GRIK1: variants seen among roughly 807,000 people sequenced by gnomAD.
GRIK1 encodes the protein glutamate ionotropic receptor kainate type subunit 1.
In GRIK1, 69 loss-of-function variants were observed where a neutral mutation model predicts 105.7. That is an observed-to-expected ratio of 0.65 (90% CI 0.54 to 0.80). The LOEUF is 0.80. Among genes scored for constraint, GRIK1 ranks in the 30% least tolerant of loss-of-function variants. The pLI, the probability that GRIK1 is intolerant of heterozygous loss-of-function variation, is 0.00. For missense variants in GRIK1, 1,109 were observed against 1,167.3 expected (o/e 0.95, Z 0.73); for synonymous variants, 438 against 431.3 (o/e 1.02, Z -0.19).
chr21:29,650,755 C>T (rs1033765608), intron 6 of GRIK1, among the ~76,000 whole-genome samples: 2 of 152,166 alleles, frequency 1.3e-5, no homozygotes, highest in Non-Finnish European at 2.9e-5. Context: ...GAACACAAAT[C>T]GGTTCTGCAA....
intron 1 of GRIK1, among the ~76,000 whole-genome samples, chr21:29,722,326 A>G (rs2064342544): frequency 1.3e-5 from 2 of 152,074 alleles, no homozygotes; most frequent in Admixed American, 6.6e-5. Flanking sequence ...GGAGGCTGAG[A>G]TGGGCAGATC....
intron 1 of GRIK1, chr21:29,748,386 G>A (rs1481017988): frequency 1.3e-5 from 2 of 152,202 alleles, no homozygotes; most frequent in African/African-American, 4.8e-5. Context: ...ACCTTTGTCT[G>A]TCTGAACAAT....
chr21:29,612,773 G>A (rs1375996862), intron 7 of GRIK1, among the ~76,000 whole-genome samples: 1 of 152,112 alleles, frequency 6.6e-6, no homozygotes, highest in Non-Finnish European at 1.5e-5. Flanking sequence ...GAATCACATT[G>A]CATTTACAAT....
At chr21:29,653,518 A>C (rs2062783823) in intron 5 of GRIK1, among the ~76,000 whole-genome samples, 1 of 152,068 alleles carries the variant, frequency 6.6e-6, no homozygotes, top group South Asian at 2.1e-4. Flanking sequence ...TTCCTTCTCA[A>C]ATTTCTCCCA....
chr21:29,612,363 T>C (rs1329429042), intron 7 of GRIK1, among the ~76,000 whole-genome samples: 1 of 152,222 alleles, frequency 6.6e-6, no homozygotes, highest in African/African-American at 2.4e-5. Context: ...CTGTTTTGGA[T>C]TACTTGTGTG....
intron 1 of GRIK1, among the ~76,000 whole-genome samples, chr21:29,794,100 A>C (rs73897836): frequency 6.6e-6 from 1 of 152,120 alleles, no homozygotes; most frequent in East Asian, 1.9e-4. Context: ...TACTTCAAAA[A>C]GTGACCCCGA....
intron 1 of GRIK1, among the ~76,000 whole-genome samples, chr21:29,867,729 G>T (rs568441315): frequency 1.3e-5 from 2 of 152,078 alleles, no homozygotes; most frequent in African/African-American, 4.8e-5. Context: ...GAGAAGCAGA[G>T]GTTGCAGTGA....
intron 1 of GRIK1, among the ~76,000 whole-genome samples, chr21:29,806,717 G>A (rs760311734): frequency 6.6e-6 from 1 of 152,032 alleles, no homozygotes; most frequent in Non-Finnish European, 1.5e-5. Context: ...CTTGCGCTGG[G>A]CACTGAAGAT....
At chr21:29,542,825 A>G (rs1374275382) in intron 16 of GRIK1, among the ~76,000 whole-genome samples, 3 of 152,208 alleles carry the variant, frequency 2.0e-5, no homozygotes, top group Non-Finnish European at 4.4e-5. Context: ...TACATTTTGT[A>G]TAGGTTTCTC....
intron 1 of GRIK1, among the ~76,000 whole-genome samples, chr21:29,807,010 C>A (rs2066879993): frequency 6.6e-6 from 1 of 152,158 alleles, no homozygotes; most frequent in African/African-American, 2.4e-5. Flanking sequence ...TCTTCAATCC[C>A]TTTTCCATAC....
chr21:29,828,343 G>T (rs2067532667), intron 1 of GRIK1, among the ~76,000 whole-genome samples: 2 of 152,056 alleles, frequency 1.3e-5, no homozygotes, highest in East Asian at 1.9e-4. Context: ...ATTGATTTGG[G>T]TGTAGATAAG....
intron 3 of GRIK1, 37 bp downstream of exon 3, chr21:29,689,691 A>G: frequency 6.3e-7 from 1 of 1,597,836 alleles, no homozygotes; most frequent in Non-Finnish European, 8.6e-7. Context: ...TGTTCAGAGC[A>G]GACATGGTCG....
At chr21:29,924,324 G>A (rs2071284603) in intron 1 of GRIK1, among the ~76,000 whole-genome samples, 1 of 146,888 alleles carries the variant, frequency 6.8e-6, no homozygotes, top group African/African-American at 2.6e-5. Context: ...GCAACACAGT[G>A]AGACTGGCTC....
intron 1 of GRIK1, among the ~76,000 whole-genome samples, chr21:29,796,697 C>T (rs1043177238): frequency 1.3e-5 from 2 of 151,988 alleles, no homozygotes; most frequent in Non-Finnish European, 2.9e-5. Flanking sequence ...ACCTGTAATC[C>T]CAGCACTTTG....
In GRIK1 at chr21:29,888,195, TTCTCTCTCTC is replaced by T. The variant is rs780446480; in HGVS notation, c.118+51178_118+51187del. 2.7e-3 allele frequency among the ~76,000 whole-genome samples: 60 copies of T among 22,154 alleles called. 2 individuals carry two copies. The highest frequency in any genetic ancestry group is 3.3e-3 in the Admixed American group (4 of 1,198). The allele number at this position is 22,154 out of a possible 152,430, so 14.5% of individuals were successfully genotyped here. On this transcript the variant is annotated intron_variant, in intron 1 of 17. Coordinates refer to ENST00000327783, the MANE Select transcript of GRIK1 (RefSeq NM_001330994.2). Reference sequence around the variant, plus strand: ...TTTCTTTCTTTCTTCCTTTCTTTCTTTCTCTCTCTCTCTCTCTCTCTCTCTCTCTCTCTCT... The same window carrying T: ...TTTCTTTCTTTCTTCCTTTCTTTCTTTCTCTCTCTCTCTCTCTCTCTCTCT...
rs748825039 is a variant in GRIK1, at chr21:29,712,384, T to G, written c.119-18321A>C. Among the ~76,000 whole-genome samples the G allele has an allele frequency of 1.3e-3, 205 of 152,202 alleles. 1 individual carries two copies. The highest frequency in any genetic ancestry group is 3.5e-3 in the Admixed American group (53 of 15,284). On this transcript the variant is annotated intron_variant, in intron 1 of 17. Transcript: ENST00000327783. ...GGTATTGGTACATCTCTTTATTTCC[T>G]TAGTTCTTTTATATAAAATTATAAC...
intron 14 of GRIK1, among the ~76,000 whole-genome samples, chr21:29,562,462 C>T (rs898906545): frequency 2.6e-5 from 4 of 152,180 alleles, no homozygotes; most frequent in Non-Finnish European, 5.9e-5. Flanking sequence ...TCGAGACCAG[C>T]TTGACCAACA....
chr21:29,879,423 T>C lies in GRIK1; in HGVS notation c.118+59960A>G, dbSNP rs144661288. Among the ~76,000 whole-genome samples the C allele has an allele frequency of 2.8e-3, 425 of 152,228 alleles. 1 individual carries two copies. Among genetic ancestry groups the C allele is most frequent in the African/African-American group, 9.4e-3 (389 of 41,566 alleles). On this transcript the variant is annotated intron_variant, in intron 1 of 17. Transcript: ENST00000327783. ...CATCCAGAAGGGACTTGTATTACAC[T>C]GGCTACCAAATTGTTCAGGTTCACG...
chr21:29,907,028 A>AT (rs111618724), intron 1 of GRIK1, among the ~76,000 whole-genome samples: 2,473 of 152,038 alleles, frequency 0.016, 71 homozygotes, highest in African/African-American at 0.055. Context: ...AAAAATAAAA[A>AT]AAAAAAAGCC....
Sources: gnomAD v4.1 joint callset for allele counts (sites outside exome capture counted in the v4.1 genomes callset) on GRCh38, gnomAD v4.1.1 for gene constraint, MANE v1.5 for transcripts, NCBI Gene and HGNC (gene_info 2026-07-23, HGNC 2026-07-21) for gene names.